ZBTB20: variants seen among roughly 807,000 people sequenced by gnomAD.
The protein encoded by ZBTB20 is zinc finger and BTB domain containing 20.
Under a neutral mutation model 56.9 loss-of-function variants are expected in ZBTB20, and 9 were observed. That is an observed-to-expected ratio of 0.16 (90% CI 0.10 to 0.28). The LOEUF (loss-of-function observed/expected upper bound fraction) is 0.28, where lower values mean the gene tolerates loss of function less well. ZBTB20 is among the 10% of genes least tolerant of loss of function. The pLI is 1.00. For missense variants in ZBTB20, 655 were observed against 1,003.0 expected (o/e 0.65, Z 4.69); for synonymous variants, 417 against 420.7 (o/e 0.99, Z 0.11).
intron 2 of ZBTB20, among the ~76,000 whole-genome samples, chr3:114,991,952 GCTCCGTAGATCTTC>G (rs2078830553): frequency 6.6e-6 from 1 of 151,752 alleles, no homozygotes; most frequent in Non-Finnish European, 1.5e-5. Context: ...TTTTCCATTT[GCTCCGTAGATCTTC>G]CTCCATCCCT....
chr3:114,537,693 T>G (rs2048642241), intron 6 of ZBTB20, among the ~76,000 whole-genome samples: 1 of 152,192 alleles, frequency 6.6e-6, no homozygotes, highest in Admixed American at 6.5e-5. Context: ...ACATGTATGT[T>G]TATTGCAGCA....
chr3:114,908,370 T>G (rs1490097700), intron 3 of ZBTB20, among the ~76,000 whole-genome samples: 1 of 152,062 alleles, frequency 6.6e-6, no homozygotes, highest in African/African-American at 2.4e-5. Flanking sequence ...ATTACTATGA[T>G]TCTACCACAA....
intron 4 of ZBTB20, among the ~76,000 whole-genome samples, chr3:114,805,751 C>G (rs1010675997): frequency 6.6e-6 from 1 of 151,696 alleles, no homozygotes; most frequent in Non-Finnish European, 1.5e-5. Flanking sequence ...TCCTTCATAC[C>G]CTTAGGGAGT....
At chr3:114,653,499 C>A (rs2060235216) in intron 6 of ZBTB20, among the ~76,000 whole-genome samples, 1 of 151,852 alleles carries the variant, frequency 6.6e-6, no homozygotes, top group Non-Finnish European at 1.5e-5. Context: ...ATACTTTTTA[C>A]TTTTTATTGT....
At chr3:115,063,077 C>G (rs1485579375) in intron 2 of ZBTB20, among the ~76,000 whole-genome samples, 1 of 151,994 alleles carries the variant, frequency 6.6e-6, no homozygotes, top group Non-Finnish European at 1.5e-5. Context: ...CTTTTAGATT[C>G]TTCATCATTG....
At chr3:114,444,589 G>A (rs185346441) in intron 7 of ZBTB20, among the ~76,000 whole-genome samples, 43 of 152,238 alleles carry the variant, frequency 2.8e-4, no homozygotes, top group African/African-American at 7.7e-4. Context: ...GAAAACTTGA[G>A]TTCTGGTCCC....
At chr3:115,136,038 G>A (rs2084643960) in intron 1 of ZBTB20, among the ~76,000 whole-genome samples, 1 of 152,000 alleles carries the variant, frequency 6.6e-6, no homozygotes, top group Non-Finnish European at 1.5e-5. Flanking sequence ...CCTTAAATCA[G>A]CAGATAATAT....
chr3:114,719,764 G>T (rs1021125655), intron 5 of ZBTB20, among the ~76,000 whole-genome samples: 1 of 152,128 alleles, frequency 6.6e-6, no homozygotes, highest in Non-Finnish European at 1.5e-5. Context: ...CATGGCCAGA[G>T]AATTCGCACA....
At chr3:114,801,314 T>A (rs2071694546) in intron 4 of ZBTB20, 140 bp from the exon 5 acceptor site, 1 of 148,366 alleles carries the variant, frequency 6.7e-6, no homozygotes, top group East Asian at 1.9e-4. Flanking sequence ...TCTTTTTTTT[T>A]TTTTTTTCTG....
chr3:114,406,759 A>G (rs1434102156), intron 7 of ZBTB20, among the ~76,000 whole-genome samples: 1 of 152,042 alleles, frequency 6.6e-6, no homozygotes, highest in East Asian at 1.9e-4. Context: ...CAATCCCTAT[A>G]TTTTTTCAAA....
intron 2 of ZBTB20, among the ~76,000 whole-genome samples, chr3:114,994,358 C>G (rs1289112773): frequency 1.3e-5 from 2 of 151,852 alleles, no homozygotes; most frequent in Admixed American, 1.3e-4. Context: ...CCTGCCAAGC[C>G]TTTAAGGAAT....
chr3:114,783,830 G>A (rs1004844490), intron 5 of ZBTB20, among the ~76,000 whole-genome samples: 1 of 151,768 alleles, frequency 6.6e-6, no homozygotes, highest in African/African-American at 2.4e-5. Flanking sequence ...GAAGATGATG[G>A]TGATGATGTA....
intron 7 of ZBTB20, among the ~76,000 whole-genome samples, chr3:114,423,246 C>T (rs1381008517): frequency 6.6e-6 from 1 of 152,178 alleles, no homozygotes; most frequent in Non-Finnish European, 1.5e-5. Flanking sequence ...ATGACTTTCT[C>T]ACTGATCAAC....
chr3:114,852,146 T>G (rs146309542), intron 4 of ZBTB20, among the ~76,000 whole-genome samples: 3,628 of 152,052 alleles, frequency 0.024, 51 homozygotes, highest in South Asian at 0.051. Flanking sequence ...GAGTTTTATT[T>G]TCTTCTTCTA....
At chr3:114,593,447 T>C (rs553614540) in intron 6 of ZBTB20, among the ~76,000 whole-genome samples, 1 of 150,476 alleles carries the variant, frequency 6.6e-6, no homozygotes, top group South Asian at 2.1e-4. Flanking sequence ...TGCAATGGCG[T>C]GATCTCGGCT....
intron 3 of ZBTB20, among the ~76,000 whole-genome samples, chr3:114,973,370 C>T (rs16823424): frequency 0.05 from 7,626 of 152,040 alleles, 645 homozygotes; most frequent in African/African-American, 0.17. Context: ...TTGACATTAC[C>T]CTGTTGACAT....
chr3:114,448,100 C>A (rs2091377104), intron 7 of ZBTB20, among the ~76,000 whole-genome samples: 2 of 152,056 alleles, frequency 1.3e-5, no homozygotes, highest in South Asian at 4.1e-4. Context: ...AGAAGAGTAG[C>A]CTACTTACTC....
chr3:114,806,080 G>C (rs907328372), intron 4 of ZBTB20, among the ~76,000 whole-genome samples: 1 of 151,824 alleles, frequency 6.6e-6, no homozygotes, highest in Non-Finnish European at 1.5e-5. Context: ...ATACGTCTCT[G>C]TGTGGACATA....
chr3:114,617,552 C>T (rs1399615921), intron 6 of ZBTB20, among the ~76,000 whole-genome samples: 2 of 152,166 alleles, frequency 1.3e-5, no homozygotes, highest in Non-Finnish European at 2.9e-5. Context: ...CCCTATCTGC[C>T]TCTCCTCTAG....
Sources: gnomAD v4.1 joint callset for allele counts (sites outside exome capture counted in the v4.1 genomes callset) on GRCh38, gnomAD v4.1.1 for gene constraint, MANE v1.5 for transcripts, NCBI Gene and HGNC (gene_info 2026-07-23, HGNC 2026-07-21) for gene names.